The following HHATL variants were observed in gnomAD, a reference collection of about 807,000 sequenced individuals.
HHATL encodes the protein protein-cysteine N-palmitoyltransferase HHAT-like protein.
In HHATL, 49 loss-of-function variants were observed where a neutral mutation model predicts 59.7. The ratio of observed to expected loss-of-function variants is 0.82; its 90% CI spans 0.65 to 1.04. HHATL has a LOEUF of 1.04. Ranked by LOEUF, HHATL falls within the 50% of genes least tolerant of loss-of-function variation. The pLI, the probability that HHATL is intolerant of heterozygous loss-of-function variation, is 0.00. For missense variants in HHATL, 605 were observed against 650.8 expected (o/e 0.93, Z 0.77); for synonymous variants, 238 against 257.3 (o/e 0.93, Z 0.72).
chr3:42,700,911 C>A (rs1032707233), intron 1 of HHATL, 72 bp from the exon 2 acceptor site: 1 of 1,002,062 alleles, frequency 1.0e-6, no homozygotes. Flanking sequence ...GTCCCACCAC[C>A]CCAGTGGGGA....
chr3:42,702,123 C>T (rs1040678322), intron 1 of HHATL, among the ~76,000 whole-genome samples: 6 of 152,228 alleles, frequency 3.9e-5, no homozygotes, highest in Non-Finnish European at 7.3e-5. Flanking sequence ...CCACCACTGC[C>T]CCTGCCCACA....
intron 9 of HHATL, among the ~76,000 whole-genome samples, chr3:42,696,483 G>A (rs1488053061): frequency 6.6e-6 from 1 of 152,132 alleles, no homozygotes; most frequent in Non-Finnish European, 1.5e-5. Context: ...CCTAGATTGC[G>A]ACTATACATT....
At position 42,697,654 on chromosome 3, in the gene HHATL, C is replaced by T. The variant is rs747441139; in HGVS notation, c.719G>A (p.Arg240His). The T allele has an allele frequency of 6.0e-5, 97 of 1,613,852 alleles. No individual in the cohort carries two copies. Among genetic ancestry groups the T allele is most frequent in the Non-Finnish European group, 7.6e-5 (90 of 1,179,796 alleles). The change falls in exon 7 of 12, where the codon CGC becomes CAC. Residue 240 changes from arginine to histidine, a missense_variant. Physicochemically the swap from Arg to His is conservative, Grantham distance 29. Coordinates refer to ENST00000441594, the MANE Select transcript of HHATL (RefSeq NM_020707.4). ...TCGGATGTGCCACAGCTCACCCTCG[C>T]GTCTCACTGGCTCCACCTGGCTCAC... is the stretch of plus-strand genomic sequence containing the variant. ...AQVSQVEPVR[R>H]EGELWHIRAQ...
At chr3:42,695,691 C>T (rs1697579950) in intron 9 of HHATL, among the ~76,000 whole-genome samples, 1 of 152,174 alleles carries the variant, frequency 6.6e-6, no homozygotes, top group Non-Finnish European at 1.5e-5. Flanking sequence ...GGCCGTGCCT[C>T]CTGCTTCATG....
At chr3:42,697,441 TG>T in intron 7 of HHATL, 66 bp downstream of exon 7, 1 of 1,529,626 alleles carries the variant, frequency 6.5e-7, no homozygotes, top group Non-Finnish European at 8.9e-7. Flanking sequence ...TGTGGCACCG[TG>T]GGGGTGCAGA....
chr3:42,698,181 G>C lies in HHATL; in HGVS notation c.654C>G (p.Phe218Leu). 6.2e-7 allele frequency: 1 copy of C among 1,614,188 alleles called. No homozygotes were observed. The highest frequency in any genetic ancestry group is 8.5e-7 in the Non-Finnish European group (1 of 1,180,012). The part of the protein sequence containing the change: ...LKYNFYLPFF[F>L]FGPIMTFDRF... ...GATCAAAGGTCATGATGGGCCCGAA[G>C]AAGAAGAAGGGCAGGTAGAAGTTGT... Residue 218 changes from phenylalanine to leucine, a missense_variant, in exon 6 of 12, where the codon TTC becomes TTG. Coordinates refer to ENST00000441594, the MANE Select transcript of HHATL (RefSeq NM_020707.4).
chr3:42,698,856 C>A lies in HHATL; in HGVS notation c.335G>T (p.Gly112Val), dbSNP rs1213146853. 6.2e-7 allele frequency: 1 copy of A among 1,612,338 alleles called. No homozygotes were observed. Among genetic ancestry groups the A allele is most frequent in the Non-Finnish European group, 8.5e-7 (1 of 1,179,256 alleles). Residue 112 changes from glycine to valine, a missense_variant, in exon 5 of 12, where the codon GGC becomes GTC. Physicochemically the swap from Gly to Val is moderately radical, Grantham distance 109. Transcript: ENST00000441594. ...CAGCAGGTACCAAGGGCCCATTGTGCCCATCACAGCCAAGGCCCCGTACAC... is the reference window on the plus strand; with the variant it reads ...CAGCAGGTACCAAGGGCCCATTGTGACCATCACAGCCAAGGCCCCGTACAC... ...YAVYGALAVM[G>V]TMGPWYLLLL...
intron 6 of HHATL, among the ~76,000 whole-genome samples, 194 bp downstream of exon 6, chr3:42,697,948 C>A (rs1440965218): frequency 6.6e-6 from 1 of 152,114 alleles, no homozygotes; most frequent in Non-Finnish European, 1.5e-5. Context: ...ATGTCTCCAC[C>A]CTGGGGTCCC....
Position 42,698,303 on chromosome 3 carries a change from C to T in HHATL, c.532G>A (p.Gly178Arg), listed in dbSNP as rs1454354186. The change falls in exon 6 of 12, where the codon GGG becomes AGG. Residue 178 changes from glycine to arginine, a missense_variant. By Grantham distance (125) the Gly-to-Arg change is moderately radical. Coordinates refer to ENST00000441594, the MANE Select transcript of HHATL (RefSeq NM_020707.4). Reference protein sequence around the residue: ...TFDLQEVLFHGGSSFTVLRCT... With the variant: ...TFDLQEVLFHRGSSFTVLRCT... ...CGCAGCACTGTGAAGCTGCTGCCCC[C>T]ATGAAACAGCACCTCTTGAAGATCA... 1.2e-6 allele frequency: 2 copies of T among 1,613,884 alleles called. No individual in the cohort carries two copies. The highest frequency in any genetic ancestry group is 4.5e-5 in the East Asian group (2 of 44,876).
At chr3:42,699,907 C>G in intron 2 of HHATL, 82 bp from the exon 3 acceptor site, 1 of 1,189,762 alleles carries the variant, frequency 8.4e-7, no homozygotes. Flanking sequence ...CTGCCCCACC[C>G]TGGGGAGCGA....
Position 42,697,604 on chromosome 3 carries a change from C to A in HHATL, c.769G>T (p.Ala257Ser). 6.2e-7 allele frequency: 1 copy of A among 1,614,162 alleles called. No individual in the cohort carries two copies. The highest frequency in any genetic ancestry group is 2.2e-5 in the East Asian group (1 of 44,874). ...AAGAAGATGTCGACGGCCATGATGG[C>A]CACCACGCTTAGGCCTGCCTGGGCT... is the stretch of plus-strand genomic sequence containing the variant. ...IRAQAGLSVV[A>S]IMAVDIFFHF... Residue 257 changes from alanine to serine, a missense_variant, in exon 7 of 12, where the codon GCC becomes TCC. Transcript: ENST00000441594.
chr3:42,700,458 G>T (rs1398336252), intron 2 of HHATL, among the ~76,000 whole-genome samples: 2 of 151,966 alleles, frequency 1.3e-5, no homozygotes, highest in African/African-American at 2.4e-5. Flanking sequence ...GTGTGTGTGT[G>T]TGTGTGTCTA....
chr3:42,699,100 T>G lies in HHATL; in HGVS notation c.220A>C (p.Asn74His), dbSNP rs1447223224. The change falls in exon 4 of 12, where the codon AAC (asparagine) becomes CAC (histidine). Residue 74 changes from asparagine (N) to histidine (H), a missense_variant. By Grantham distance (68) the Asn-to-His change is moderately conservative (BLOSUM62 1). Coordinates refer to ENST00000441594, the MANE Select transcript of HHATL (RefSeq NM_020707.4). ...EWVMWFTSFR[N>H]VIIFALSGHV... ...CCGGAGAGGGCAAAGATGATGACGTTGCGAAAGGAGGTGAACCACATCACC... is the reference window on the plus strand; with the variant it reads ...CCGGAGAGGGCAAAGATGATGACGTGGCGAAAGGAGGTGAACCACATCACC... 1.2e-6 allele frequency: 2 copies of G among 1,613,880 alleles called. No homozygotes were observed. Among genetic ancestry groups the G allele is most frequent in the Admixed American group, 3.3e-5 (2 of 59,982 alleles).
At chr3:42,698,608 G>A in intron 5 of HHATL, 100 bp downstream of exon 5, 21 of 1,378,342 alleles carry the variant, frequency 1.5e-5, no homozygotes, top group Non-Finnish European at 2.1e-5. Flanking sequence ...GGTGGAAAGT[G>A]AAGGGAATAC....
Position 42,698,920 on chromosome 3 carries a change from G to C in HHATL, c.289-18C>G, listed in dbSNP as rs368151427. 186 of 1,603,816 alleles carry C rather than the reference G, an allele frequency of 1.2e-4. No homozygotes were observed. The highest frequency in any genetic ancestry group is 1.5e-4 in the Non-Finnish European group (177 of 1,173,770). Reference sequence around the variant, plus strand: ...GAGCGGAGCTGTGGGCAGGGAGAAGGCTTCAGTTTCGCCATATAAATGGGG... The same window carrying C: ...GAGCGGAGCTGTGGGCAGGGAGAAGCCTTCAGTTTCGCCATATAAATGGGG... On this transcript the variant is annotated intron_variant, in intron 4 of 11. Transcript: ENST00000441594.
chr3:42,693,935 T>C, intron 9 of HHATL, 117 bp from the exon 10 acceptor site: 1 of 809,306 alleles, frequency 1.2e-6, no homozygotes, highest in South Asian at 1.6e-5. Context: ...GCATTCAACA[T>C]TCCTGACCTC....
chr3:42,698,922 T>C lies in HHATL; in HGVS notation c.289-20A>G. 3 of 1,603,860 alleles carry C rather than the reference T, an allele frequency of 1.9e-6. No homozygotes were observed. Among genetic ancestry groups the C allele is most frequent in the Non-Finnish European group, 2.6e-6 (3 of 1,173,718 alleles). ...GCGGAGCTGTGGGCAGGGAGAAGGC[T>C]TCAGTTTCGCCATATAAATGGGGGC... On this transcript the variant is annotated intron_variant, in intron 4 of 11. Transcript: ENST00000441594.
At chr3:42,699,692 A>T in intron 3 of HHATL, 66 bp downstream of exon 3, 1 of 1,382,176 alleles carries the variant, frequency 7.2e-7, no homozygotes. Flanking sequence ...ACTTGCCAAC[A>T]TCTGGAACAG....
chr3:42,693,198 C>T lies in HHATL; in HGVS notation c.1269G>A (p.Met423Ile). ...CAAACAGGGCCCGGACCCTACGGGA[C>T]ATCTGCACTGACAGAGAGGCCTATC... ...ARIEASLSVQMSRRVRALFGA... is the reference protein window; with the variant it reads ...ARIEASLSVQISRRVRALFGA... The change falls in exon 11 of 12, where the codon ATG becomes ATA. Residue 423 changes from methionine (M) to isoleucine (I), a missense_variant. Physicochemically the swap from Met to Ile is conservative, Grantham distance 10. Transcript: ENST00000441594. 6.2e-7 allele frequency: 1 copy of T among 1,614,156 alleles called. No homozygotes were observed.
Sources: gnomAD v4.1 joint callset for allele counts (sites outside exome capture counted in the v4.1 genomes callset) on GRCh38, gnomAD v4.1.1 for gene constraint, MANE v1.5 for transcripts, NCBI Gene and HGNC (gene_info 2026-07-23, HGNC 2026-07-21) for gene names.